ITPKB: variants seen among roughly 807,000 people sequenced by gnomAD.
The protein encoded by ITPKB is IP3 3-kinase B.
In ITPKB, 13 loss-of-function variants were observed where a neutral mutation model predicts 69.4. The ratio of observed to expected loss-of-function variants is 0.19; its 90% confidence interval spans 0.12 to 0.30. ITPKB has a LOEUF of 0.30. ITPKB is among the 10% of genes least tolerant of loss of function. The probability of loss-of-function intolerance (pLI) is 1.00; values close to 1 mark genes in which losing one functional copy is unlikely to be tolerated. For missense variants in ITPKB, 1,240 were observed against 1,250.5 expected, an observed-to-expected ratio of 0.99 and a Z score of 0.13; for synonymous variants, 584 against 513.7, an observed-to-expected ratio of 1.14 and a Z score of -1.85.
chr1:226,723,573 G>C (rs1041543228), intron 2 of ITPKB, among the ~76,000 whole-genome samples: 10 of 152,028 alleles, frequency 6.6e-5, no homozygotes, highest in African/African-American at 2.4e-4. Flanking sequence ...ACGTGTGTGT[G>C]GGTGTGTGTG....
chr1:226,727,325 G>A (rs922060701), intron 2 of ITPKB, among the ~76,000 whole-genome samples: 12 of 152,154 alleles, frequency 7.9e-5, no homozygotes, highest in African/African-American at 2.9e-4. Flanking sequence ...AACAAATTGA[G>A]TTGAGCCCGG....
chr1:226,730,645 A>G (rs1657563945), intron 2 of ITPKB, among the ~76,000 whole-genome samples: 1 of 152,124 alleles, frequency 6.6e-6, no homozygotes, highest in African/African-American at 2.4e-5. Flanking sequence ...TGATTATCCA[A>G]AGTCTGTAGT....
At chr1:226,696,780 G>GGTTAGGGCTCCA (rs1656499819) in intron 2 of ITPKB, among the ~76,000 whole-genome samples, 1 of 152,190 alleles carries the variant, frequency 6.6e-6, no homozygotes, top group South Asian at 2.1e-4. Context: ...ACTAAGGCCT[G>GGTTAGGGCTCCA]AGAATCTCAG....
intron 2 of ITPKB, among the ~76,000 whole-genome samples, chr1:226,654,854 C>T (rs557503096): frequency 1.4e-4 from 21 of 151,992 alleles, no homozygotes; most frequent in South Asian, 1.2e-3. Flanking sequence ...TAGCCTTTGT[C>T]GTTCATAAGG....
At chr1:226,705,345 C>G (rs1304064172) in intron 2 of ITPKB, among the ~76,000 whole-genome samples, 1 of 151,404 alleles carries the variant, frequency 6.6e-6, no homozygotes, top group Non-Finnish European at 1.5e-5. Context: ...GCCTGACCAA[C>G]ATGGAGAAAC....
intron 2 of ITPKB, among the ~76,000 whole-genome samples, chr1:226,700,294 C>A (rs974251425): frequency 1.3e-5 from 2 of 151,812 alleles, no homozygotes; most frequent in Admixed American, 1.3e-4. Flanking sequence ...CATGGTGAAA[C>A]CCCGTCTCTA....
At chr1:226,696,870 CG>C (rs1656502201) in intron 2 of ITPKB, among the ~76,000 whole-genome samples, 1 of 152,146 alleles carries the variant, frequency 6.6e-6, no homozygotes, top group Non-Finnish European at 1.5e-5. Flanking sequence ...GACTAGGGGC[CG>C]GGGGGTTAGC....
At chr1:226,692,674 G>C (rs185818060) in intron 2 of ITPKB, among the ~76,000 whole-genome samples, 1 of 152,236 alleles carries the variant, frequency 6.6e-6, no homozygotes, top group African/African-American at 2.4e-5. Context: ...CACTAAAAGG[G>C]AAAGCCACCC....
At chr1:226,731,673 T>A (rs1177216122) in intron 2 of ITPKB, among the ~76,000 whole-genome samples, 1 of 152,132 alleles carries the variant, frequency 6.6e-6, no homozygotes, top group African/African-American at 2.4e-5. Flanking sequence ...TTTGACTTTC[T>A]GAGTGTTTAT....
chr1:226,669,127 A>G (rs1417411948), intron 2 of ITPKB: 1 of 152,022 alleles, frequency 6.6e-6, no homozygotes, highest in African/African-American at 2.4e-5. Flanking sequence ...TAAAAAATCT[A>G]CTCCTGAGCT....
At position 226,637,916 on chromosome 1, in the gene ITPKB, G is replaced by C. The variant is rs1447458080; in HGVS notation, c.2554-166C>G. ...CAGGGCTGCTGTGGCGTCTTTCTCAGCATAAATGTCAGTACCTTTGACTTT... is the reference window on the plus strand; with the variant it reads ...CAGGGCTGCTGTGGCGTCTTTCTCACCATAAATGTCAGTACCTTTGACTTT... On this transcript the variant is annotated intron_variant, in intron 6 of 7. Transcript: ENST00000429204. The surrounding 1 kb of genome is among the most constrained non-coding windows in gnomAD (Gnocchi z 4.3). Among the ~76,000 whole-genome samples the C allele has an allele frequency of 6.6e-6, 1 of 152,244 alleles. No individual in the cohort carries two copies. The highest frequency in any genetic ancestry group is 1.5e-5 in the Non-Finnish European group (1 of 68,044).
At chr1:226,683,088 G>C (rs1438503162) in intron 2 of ITPKB, among the ~76,000 whole-genome samples, 1 of 152,096 alleles carries the variant, frequency 6.6e-6, no homozygotes, top group East Asian at 1.9e-4. Context: ...GGCCCTAGAG[G>C]GGCAGCCAGC....
intron 2 of ITPKB, among the ~76,000 whole-genome samples, chr1:226,679,822 C>T (rs1656034342): frequency 6.6e-6 from 1 of 152,142 alleles, no homozygotes; most frequent in Non-Finnish European, 1.5e-5. Context: ...GCTCTAAATT[C>T]GATTTTGCTG....
At chr1:226,725,228 A>G (rs1657372520) in intron 2 of ITPKB, among the ~76,000 whole-genome samples, 1 of 152,220 alleles carries the variant, frequency 6.6e-6, no homozygotes, top group African/African-American at 2.4e-5. Flanking sequence ...ATCCCCAAGG[A>G]CAGGGACAGC....
intron 2 of ITPKB, among the ~76,000 whole-genome samples, chr1:226,732,936 C>CCTT (rs1657635277): frequency 6.6e-6 from 1 of 152,204 alleles, no homozygotes; most frequent in Admixed American, 6.5e-5. Context: ...AAGTCATACA[C>CCTT]ACTCATTCCT....
chr1:226,667,295 T>C (rs575702223), intron 2 of ITPKB, among the ~76,000 whole-genome samples: 5 of 152,002 alleles, frequency 3.3e-5, no homozygotes, highest in Admixed American at 2.6e-4. Context: ...TTTCCCAGAG[T>C]TGGGAATCGA....
At chr1:226,672,766 G>A (rs1414452841) in intron 2 of ITPKB, among the ~76,000 whole-genome samples, 36 of 152,208 alleles carry the variant, frequency 2.4e-4, no homozygotes, top group South Asian at 2.1e-4. Context: ...GGGGTAGGGC[G>A]AAGAAATCTA....
At chr1:226,711,268 C>G (rs887511639) in intron 2 of ITPKB, among the ~76,000 whole-genome samples, 3 of 152,172 alleles carry the variant, frequency 2.0e-5, no homozygotes, top group African/African-American at 4.8e-5. Context: ...CATCCTCTAC[C>G]TCCTTCCTAC....
rs538644718 is a variant in ITPKB at position 226,651,573 on chromosome 1, T to A, written c.1933-2802A>T. ...GCCTAGGTTCTGAACAATAAAGACC[T>A]CGGAGCCTGGGGCAGGGTCATGCCC... On this transcript the variant is annotated intron_variant, in intron 2 of 7. Coordinates refer to ENST00000429204, the MANE Select transcript of ITPKB (RefSeq NM_002221.4). 5.3e-5 allele frequency among the ~76,000 whole-genome samples: 8 copies of A among 152,170 alleles called. No homozygotes were observed. The East Asian group carries it at 1.5e-3, about 29-fold the overall frequency.
Sources: gnomAD v4.1 joint callset for allele counts (sites outside exome capture counted in the v4.1 genomes callset) on GRCh38, gnomAD v4.1.1 for gene constraint, Gnocchi (gnomAD v3.1) non-coding constraint, MANE v1.5 for transcripts, NCBI Gene and HGNC (gene_info 2026-07-23, HGNC 2026-07-21) for gene names.